The following SLC16A8 variants were observed in gnomAD, a reference collection of about 807,000 sequenced individuals.
SLC16A8 encodes the protein monocarboxylate transporter 3.
A neutral mutation model predicts 22.4 loss-of-function variants in SLC16A8; 20 were observed. That is an observed-to-expected ratio of 0.89 (90% CI 0.63 to 1.30). The LOEUF (loss-of-function observed/expected upper bound fraction) is 1.30, where lower values mean the gene tolerates loss of function less well. SLC16A8 is among the 50% of genes most tolerant of loss of function. The pLI is 0.00. For missense variants in SLC16A8, 817 were observed against 740.3 expected, an observed-to-expected ratio of 1.10 and a Z score of -1.20; for synonymous variants, 393 against 358.8, an observed-to-expected ratio of 1.10 and a Z score of -1.08.
chr22:38,082,715 G>T lies in SLC16A8; in HGVS notation c.159C>A (p.Gly53=). Residue 53 remains glycine, a synonymous_variant, in exon 3 of 6, where the codon GGC becomes GGA. Coordinates refer to ENST00000681075, the MANE Select transcript of SLC16A8 (RefSeq NM_013356.3). ...AGGACACCCAGGCCGTGTCGCTGTA[G>T]CCGGCGTCGAAGTCGCGCATGAGCG... ...FRALMRDFDA[G]YSDTAWVSSI... The T allele has an allele frequency of 1.9e-6, 3 of 1,591,684 alleles. No homozygotes were observed. Among genetic ancestry groups the T allele is most frequent in the South Asian group, 2.3e-5 (2 of 88,274 alleles).
Position 38,081,956 on chromosome 22 carries a change from C to G in SLC16A8, c.291G>C (p.Ala97=), listed in dbSNP as rs537300749. The change falls in exon 4 of 6, where the codon GCG becomes GCC. Residue 97 remains alanine (A), a synonymous_variant. Coordinates refer to ENST00000681075, the MANE Select transcript of SLC16A8 (RefSeq NM_013356.3). ...TGGCAAAGGAAGCTAGGATCATGCC[C>G]GCGGAAGCCAGCAGCCCACCCGCCA... is the stretch of plus-strand genomic sequence containing the variant. ...VMLAGGLLAS[A]GMILASFATR... The G allele has an allele frequency of 1.9e-6, 3 of 1,564,812 alleles. No individual in the cohort carries two copies. The highest frequency in any genetic ancestry group is 1.9e-5 in the Admixed American group (1 of 52,854).
At position 38,081,196 on chromosome 22, in the gene SLC16A8, G is replaced by A. The variant is rs866828057; in HGVS notation, c.842C>T (p.Ala281Val). The change falls in exon 5 of 6, where the codon GCG (alanine) becomes GTG (valine). Residue 281 changes from alanine to valine, a missense_variant. By Grantham distance (64) the Ala-to-Val change is moderately conservative (BLOSUM62 0). Transcript: ENST00000681075. The part of the protein sequence containing the change: ...AILLVNYAKD[A>V]GVPDTDAAFL... ...GGCGGCGTCGGTGTCGGGCACGCCC[G>A]CGTCCTTGGCGTAGTTCACCAGCAG... 1.9e-6 allele frequency: 3 copies of A among 1,560,160 alleles called. No homozygotes were observed. The highest frequency in any genetic ancestry group is 2.4e-5 in the South Asian group (2 of 84,886).
At chr22:38,081,760 A>T (rs1264509079) in intron 4 of SLC16A8, 81 bp from the exon 5 acceptor site, 3 of 1,457,344 alleles carry the variant, frequency 2.1e-6, no homozygotes, top group East Asian at 2.5e-5. Context: ...CAGGCCCGGG[A>T]ACCCAGCAGA....
At position 38,081,199 on chromosome 22, in the gene SLC16A8, T is replaced by G; in HGVS notation, c.839A>C (p.Asp280Ala). 1 of 1,563,682 alleles carries G rather than the reference T, an allele frequency of 6.4e-7. No individual in the cohort carries two copies. The highest frequency in any genetic ancestry group is 8.7e-7 in the Non-Finnish European group (1 of 1,154,606). Residue 280 changes from aspartate to alanine, a missense_variant, in exon 5 of 6, where the codon GAC (aspartate) becomes GCC (alanine). Coordinates refer to ENST00000681075, the MANE Select transcript of SLC16A8 (RefSeq NM_013356.3). ...GGCGTCGGTGTCGGGCACGCCCGCGTCCTTGGCGTAGTTCACCAGCAGGAT... is the reference window on the plus strand; with the variant it reads ...GGCGTCGGTGTCGGGCACGCCCGCGGCCTTGGCGTAGTTCACCAGCAGGAT... ...PAILLVNYAK[D>A]AGVPDTDAAF...
chr22:38,082,917 G>A, intron 2 of SLC16A8, 36 bp from the exon 3 acceptor site: 3 of 1,241,322 alleles, frequency 2.4e-6, no homozygotes, highest in Non-Finnish European at 3.3e-6. Context: ...GGGAGGGGCT[G>A]GGCCAGCAGC....
At position 38,080,984 on chromosome 22, in the gene SLC16A8, C is replaced by T. The variant is rs1569209508; in HGVS notation, c.1054G>A (p.Ala352Thr). Residue 352 changes from alanine to threonine, a missense_variant, in exon 5 of 6, where the codon GCC becomes ACC. Coordinates refer to ENST00000681075, the MANE Select transcript of SLC16A8 (RefSeq NM_013356.3). ...SYGALVAFCV[A>T]FGLSYGMVGA... ...ACCATGCCGTAGGAGAGGCCGAAGGCGACGCAGAAGGCGACGAGGGCGCCG... is the reference window on the plus strand; with the variant it reads ...ACCATGCCGTAGGAGAGGCCGAAGGTGACGCAGAAGGCGACGAGGGCGCCG... The T allele has an allele frequency of 6.3e-7, 1 of 1,597,326 alleles. No homozygotes were observed.
intron 1 of SLC16A8, among the ~76,000 whole-genome samples, chr22:38,083,725 C>T (rs1347624861): frequency 6.6e-6 from 1 of 152,198 alleles, no homozygotes; most frequent in Non-Finnish European, 1.5e-5. Context: ...CAGTTACAAG[C>T]GCCCCCATAA....
At position 38,082,900 on chromosome 22, in the gene SLC16A8, G is replaced by C; in HGVS notation, c.-8-19C>G. On this transcript the variant is annotated intron_variant, in intron 2 of 5. Transcript: ENST00000681075. The stretch of plus-strand genomic sequence containing the variant: ...GCTGCCTCTGTTGGGAGGGGGCGGG[G>C]ACAAGAGGGAGGGGCTGGGCCAGCA... 1 of 1,380,858 alleles carries C rather than the reference G, an allele frequency of 7.2e-7. No homozygotes were observed. The highest frequency in any genetic ancestry group is 9.9e-7 in the Non-Finnish European group (1 of 1,015,014). 85.5% of individuals were successfully genotyped at this position (1,380,858 alleles called of 1,614,324 possible).
intron 5 of SLC16A8, among the ~76,000 whole-genome samples, chr22:38,079,875 T>C (rs2085891871): frequency 6.6e-6 from 1 of 152,206 alleles, no homozygotes; most frequent in Non-Finnish European, 1.5e-5. Flanking sequence ...CTGGGCAGGC[T>C]GGTTTTGTGG....
rs1569208983 is a variant in SLC16A8, at chr22:38,079,661, C to G, written c.1199-957G>C. 4.6e-5 allele frequency among the ~76,000 whole-genome samples: 7 copies of G among 152,206 alleles called. No individual in the cohort carries two copies. In the South Asian group the frequency reaches 1.4e-3, roughly 31 times the overall value. On this transcript the variant is annotated intron_variant, in intron 5 of 5. Coordinates refer to ENST00000681075, the MANE Select transcript of SLC16A8 (RefSeq NM_013356.3). The stretch of plus-strand genomic sequence containing the variant: ...CCGGCTGGTTTCAGACTTCTGGCCT[C>G]AGCCCCCCAAAGCGCTGGGATTACA...
intron 4 of SLC16A8, 23 bp downstream of exon 4, chr22:38,081,866 A>G: frequency 6.3e-7 from 1 of 1,586,942 alleles, no homozygotes. Flanking sequence ...AACCCAGCGG[A>G]GAGGAGACCA....
chr22:38,081,602 T>C lies in SLC16A8; in HGVS notation c.436A>G (p.Asn146Asp), dbSNP rs1332508566. The C allele has an allele frequency of 6.6e-7, 1 of 1,518,704 alleles. No homozygotes were observed. The allele number at this position is 1,518,704 out of a possible 1,614,324, so 94.1% of individuals were successfully genotyped here. Reference sequence around the variant, plus strand: ...GGGCTGCCCGCCGCCGCCAGCCCGTTGGCCAGAGGCCGCCGCCGCTCGAAG... The same window carrying C: ...GGGCTGCCCGCCGCCGCCAGCCCGTCGGCCAGAGGCCGCCGCCGCTCGAAG... ...LYFERRRPLA[N>D]GLAAAGSPVF... Residue 146 changes from asparagine (N) to aspartate (D), a missense_variant, in exon 5 of 6, where the codon AAC becomes GAC. Coordinates refer to ENST00000681075, the MANE Select transcript of SLC16A8 (RefSeq NM_013356.3).
rs557800012 is a variant in SLC16A8 at position 38,082,703 on chromosome 22, C to A, written c.171G>T (p.Thr57=). Residue 57 remains threonine, a synonymous_variant, in exon 3 of 6, where the codon ACG becomes ACT. Coordinates refer to ENST00000681075, the MANE Select transcript of SLC16A8 (RefSeq NM_013356.3). The part of the protein sequence containing the change: ...MRDFDAGYSD[T]AWVSSIMLAM... ...CTAGCATGATGGAGGACACCCAGGCCGTGTCGCTGTAGCCGGCGTCGAAGT... is the reference window on the plus strand; with the variant it reads ...CTAGCATGATGGAGGACACCCAGGCAGTGTCGCTGTAGCCGGCGTCGAAGT... 1 of 1,590,202 alleles carries A rather than the reference C, an allele frequency of 6.3e-7. No individual in the cohort carries two copies. The highest frequency in any genetic ancestry group is 8.5e-7 in the Non-Finnish European group (1 of 1,170,206).
chr22:38,082,028 G>A lies in SLC16A8; in HGVS notation c.219C>T (p.Pro73=). 1.3e-6 allele frequency: 2 copies of A among 1,577,032 alleles called. No homozygotes were observed. Among genetic ancestry groups the A allele is most frequent in the Non-Finnish European group, 8.6e-7 (1 of 1,161,904 alleles). The change falls in exon 4 of 6, where the codon CCC becomes CCT. Residue 73 remains proline (P), a synonymous_variant. Coordinates refer to ENST00000681075, the MANE Select transcript of SLC16A8 (RefSeq NM_013356.3). ...IMLAMLYGTG[P]VSSILVTRFG... Reference sequence around the variant, plus strand: ...AGCGGGTCACGAGGATGCTGGACACGGGGCCTGTGGGCAGGGCAGGGTCAC... The same window carrying A: ...AGCGGGTCACGAGGATGCTGGACACAGGGCCTGTGGGCAGGGCAGGGTCAC...
At position 38,081,346 on chromosome 22, in the gene SLC16A8, T is replaced by C. The variant is rs758466043; in HGVS notation, c.692A>G (p.Glu231Gly). The part of the protein sequence containing the change: ...EADGAGLQLR[E>G]ASPRVRPRRR... ...GCGGGGCCGGACCCTGGGGGATGCC[T>C]CGCGCAGCTGCAGCCCCGCACCGTC... is the stretch of plus-strand genomic sequence containing the variant. Residue 231 changes from glutamate to glycine, a missense_variant, in exon 5 of 6, where the codon GAG (glutamate) becomes GGG (glycine). By Grantham distance (98) the Glu-to-Gly change is moderately conservative. Transcript: ENST00000681075. 42 of 1,462,154 alleles carry C rather than the reference T, an allele frequency of 2.9e-5. No homozygotes were observed. The East Asian group carries it at 1.1e-3, about 40-fold the overall frequency. 90.6% of individuals were successfully genotyped at this position (1,462,154 alleles called of 1,614,324 possible).
At position 38,078,160 on chromosome 22, in the gene SLC16A8, C is replaced by G; in HGVS notation, c.*228G>C. ...TCTGTCGTTCAGCTGAGCTTTATCACCAGTTTCCTGTTGCTCCATAGCAGC... is the reference window on the plus strand; with the variant it reads ...TCTGTCGTTCAGCTGAGCTTTATCAGCAGTTTCCTGTTGCTCCATAGCAGC... On this transcript the variant is annotated 3_prime_UTR_variant, in exon 6 of 6. Coordinates refer to ENST00000681075, the MANE Select transcript of SLC16A8 (RefSeq NM_013356.3). 1 of 524,898 alleles carries G rather than the reference C, an allele frequency of 1.9e-6. No individual in the cohort carries two copies. 32.5% of individuals were successfully genotyped at this position (524,898 alleles called of 1,614,324 possible).
Position 38,082,692 on chromosome 22 carries a change from G to T in SLC16A8, c.182C>A (p.Ser61Tyr). The change falls in exon 3 of 6, where the codon TCC becomes TAC. Residue 61 changes from serine to tyrosine, a missense_variant. By Grantham distance (144) the Ser-to-Tyr change is moderately radical. Transcript: ENST00000681075. ...DAGYSDTAWVSSIMLAMLYGT... is the reference protein window; with the variant it reads ...DAGYSDTAWVYSIMLAMLYGT... ...GTAGAGCATGGCTAGCATGATGGAG[G>T]ACACCCAGGCCGTGTCGCTGTAGCC... The T allele has an allele frequency of 6.3e-7, 1 of 1,588,508 alleles. No individual in the cohort carries two copies.
intron 2 of SLC16A8, 72 bp downstream of exon 2, chr22:38,082,970 G>A (rs977452600): frequency 9.6e-6 from 8 of 831,822 alleles, no homozygotes; most frequent in East Asian, 5.4e-5. Context: ...GGGAAACTGA[G>A]GCACAGGGCT....
chr22:38,078,813 G>T, intron 5 of SLC16A8, 109 bp from the exon 6 acceptor site: 1 of 876,436 alleles, frequency 1.1e-6, no homozygotes, highest in Non-Finnish European at 1.8e-6. Flanking sequence ...TGAGGCTCCT[G>T]GGTGACACAC....
Sources: allele counts gnomAD v4.1 joint callset (sites outside exome capture counted in the v4.1 genomes callset), GRCh38; gene constraint gnomAD v4.1.1; transcripts MANE v1.5; gene names NCBI Gene and HGNC (gene_info 2026-07-23, HGNC 2026-07-21).